GRIP2: variants seen among roughly 807,000 people sequenced by gnomAD.
The protein encoded by GRIP2 is glutamate receptor-interacting protein 2.
A neutral mutation model predicts 108.3 loss-of-function variants in GRIP2; 58 were observed. The observed-to-expected ratio is 0.54, with a 90% CI of 0.43 to 0.67. The LOEUF is 0.67. Among genes scored for constraint, GRIP2 ranks in the 30% least tolerant of loss-of-function variants. GRIP2 has a pLI of 0.00. For missense variants in GRIP2, 1,278 were observed against 1,430.6 expected, an observed-to-expected ratio of 0.89 and a Z score of 1.72; for synonymous variants, 586 against 598.2, an observed-to-expected ratio of 0.98 and a Z score of 0.30.
At chr3:14,530,660 A>G (rs997751483) in intron 1 of GRIP2, among the ~76,000 whole-genome samples, 4 of 152,186 alleles carry the variant, frequency 2.6e-5, no homozygotes, top group African/African-American at 9.6e-5. Context: ...TCATTTTCTA[A>G]TTATTTGTTC....
rs1203073982 is a variant in GRIP2 at position 14,490,526 on chromosome 3, C to T, written c.*3139G>A. ...GGGCAGCAGCCAGACCTGAGGCTGC[C>T]CTCCTGCCACTACCTTCCCAACCTG... is the stretch of plus-strand genomic sequence containing the variant. On this transcript the variant is annotated 3_prime_UTR_variant, in exon 24 of 24. Transcript: ENST00000621039. 1.3e-5 allele frequency: 2 copies of T among 152,418 alleles called. No individual in the cohort carries two copies. The highest frequency in any genetic ancestry group is 4.8e-5 in the African/African-American group (2 of 41,462). The allele number at this position is 152,418 out of a possible 1,614,324, so 9.4% of individuals were successfully genotyped here.
chr3:14,524,241 C>A, intron 4 of GRIP2, 152 bp downstream of exon 4: 1 of 834,298 alleles, frequency 1.2e-6, no homozygotes, highest in South Asian at 1.8e-5. Context: ...GTAGGCACAG[C>A]CCCTAGGCGA....
At chr3:14,589,472 T>A in the GRIP2 span, among the ~76,000 whole-genome samples, 3 of 152,134 alleles carry the variant, frequency 2.0e-5, no homozygotes, top group Admixed American at 2.0e-4. Flanking sequence ...AAGGATGTGT[T>A]TTGAGATTTT....
At chr3:14,517,947 A>G (rs1162432990) in intron 9 of GRIP2, 50 bp from the exon 10 acceptor site, 5 of 1,477,996 alleles carry the variant, frequency 3.4e-6, no homozygotes, top group Non-Finnish European at 2.7e-6. Flanking sequence ...TTAGTGGCTG[A>G]GGGCACTATG....
Position 14,512,096 on chromosome 3 carries a change from C to A in GRIP2, c.1721-617G>T, listed in dbSNP as rs940407280. On this transcript the variant is annotated intron_variant, in intron 14 of 23. Coordinates refer to ENST00000621039, the MANE Select transcript of GRIP2 (RefSeq NM_001080423.4). This position sits in a 1 kb window ranked among gnomAD's most constrained non-coding sequence, Gnocchi z 5.1. ...CTTGTCAAGTGACATTTGGGCAAAGCCATGAAGGAGGTAGGGAAGAGGCCA... is the reference window on the plus strand; with the variant it reads ...CTTGTCAAGTGACATTTGGGCAAAGACATGAAGGAGGTAGGGAAGAGGCCA... 1.4e-4 allele frequency among the ~76,000 whole-genome samples: 21 copies of A among 152,118 alleles called. No individual in the cohort carries two copies. Among genetic ancestry groups the A allele is most frequent in the African/African-American group, 5.1e-4 (21 of 41,408 alleles).
At chr3:14,496,962 T>TA (rs1165305946) in intron 21 of GRIP2, among the ~76,000 whole-genome samples, 1 of 38,660 alleles carries the variant, frequency 2.6e-5, no homozygotes, top group East Asian at 1.4e-3. Context: ...GTCAAGACTC[T>TA]TTTTTTTTTT....
At chr3:14,573,094 C>T in the GRIP2 span, 6 of 1,408,098 alleles carry the variant, frequency 4.3e-6, no homozygotes, top group Non-Finnish European at 6.0e-6. Flanking sequence ...CTGATGAACC[C>T]CGAAATGTGG....
At chr3:14,542,372 C>T (rs546112821), upstream of GRIP2, among the ~76,000 whole-genome samples, 4 of 152,208 alleles carry the variant, frequency 2.6e-5, no homozygotes, top group Admixed American at 2.6e-4. Flanking sequence ...CCAGGCTGGT[C>T]TCAAACTCCT....
At chr3:14,555,921 C>T (rs1575038468) in exon 1 of GRIP2, 4 of 399,772 alleles carry the variant, frequency 1.0e-5, no homozygotes, top group South Asian at 1.3e-4. Flanking sequence ...CGCCTCACCA[C>T]GCCCAGCCGC....
chr3:14,554,453 G>T (rs886867858), intron 1 of GRIP2, among the ~76,000 whole-genome samples: 4 of 152,152 alleles, frequency 2.6e-5, no homozygotes, highest in Non-Finnish European at 4.4e-5. Context: ...CTCAATGGGG[G>T]AGGGAGTGTC....
chr3:14,495,087 G>A (rs1693549678), intron 22 of GRIP2, 98 bp from the exon 23 acceptor site: 2 of 1,473,274 alleles, frequency 1.4e-6, no homozygotes. Context: ...CAGCGCCTCT[G>A]GCCAGCCACA....
At chr3:14,592,287 TG>T in the GRIP2 span, among the ~76,000 whole-genome samples, 1 of 152,184 alleles carries the variant, frequency 6.6e-6, no homozygotes, top group African/African-American at 2.4e-5. Flanking sequence ...TGATGATCCA[TG>T]GGGCCTTCCA....
chr3:14,579,478 G>A, the GRIP2 span, among the ~76,000 whole-genome samples: 920 of 152,278 alleles, frequency 6.0e-3, 4 homozygotes, highest in South Asian at 0.02. Context: ...GTGTGTGATC[G>A]GATGGGAGGA....
Position 14,520,382 on chromosome 3 carries a change from T to G in GRIP2, c.860+8A>C, listed in dbSNP as rs1559342980. 2 of 1,610,870 alleles carry G rather than the reference T, an allele frequency of 1.2e-6. No individual in the cohort carries two copies. Among genetic ancestry groups the G allele is most frequent in the Middle Eastern group, 1.7e-4 (1 of 6,058 alleles). On this transcript the variant is annotated splice_region_variant and intron_variant, in intron 8 of 23. Coordinates refer to ENST00000621039, the MANE Select transcript of GRIP2 (RefSeq NM_001080423.4). The stretch of plus-strand genomic sequence containing the variant: ...CTCCATGGTGGCAGCACCCAGGGTG[T>G]GCCTTACCTGTCCACCACGCTGGCT...
intron 5 of GRIP2, chr3:14,523,312 G>C: frequency 1.7e-6 from 1 of 577,502 alleles, no homozygotes; most frequent in Non-Finnish European, 3.1e-6. Context: ...TCCCTTCTGT[G>C]ACCTCACCTT....
chr3:14,509,692 G>GC, intron 17 of GRIP2, 128 bp downstream of exon 17: 1 of 971,574 alleles, frequency 1.0e-6, no homozygotes, highest in Non-Finnish European at 1.4e-6. Flanking sequence ...GAAGTGACTG[G>GC]CCCAATGTCA....
rs756222455 is a variant in GRIP2 at position 14,496,412 on chromosome 3, C to A, written c.2823+5G>T. 1.9e-5 allele frequency: 30 copies of A among 1,607,328 alleles called. No individual in the cohort carries two copies. The Admixed American group carries it at 3.9e-4, about 21-fold the overall frequency. On this transcript the variant is annotated splice_donor_5th_base_variant and intron_variant, in intron 22 of 23. Transcript: ENST00000621039. Reference sequence around the variant, plus strand: ...AGGTCTCCTGTGCTCACCCCCTGTGCCTACCTTGTGCATCTCCAAGGGTGT... The same window carrying A: ...AGGTCTCCTGTGCTCACCCCCTGTGACTACCTTGTGCATCTCCAAGGGTGT...
At chr3:14,514,654 G>C (rs1694199216) in intron 11 of GRIP2, among the ~76,000 whole-genome samples, 176 bp from the exon 12 acceptor site, 1 of 152,200 alleles carries the variant, frequency 6.6e-6, no homozygotes, top group Non-Finnish European at 1.5e-5. Flanking sequence ...TTCCTCATCT[G>C]AACAATGGGA....
chr3:14,538,586 G>A (rs1694888869), intron 1 of GRIP2, among the ~76,000 whole-genome samples: 1 of 152,182 alleles, frequency 6.6e-6, no homozygotes, highest in South Asian at 2.1e-4. Context: ...TACACTTTTT[G>A]GAAGAAGAGC....
Sources: allele counts gnomAD v4.1 joint callset (sites outside exome capture counted in the v4.1 genomes callset), GRCh38; gene constraint gnomAD v4.1.1; non-coding constraint Gnocchi (gnomAD v3.1); transcripts MANE v1.5; gene names NCBI Gene and HGNC (gene_info 2026-07-23, HGNC 2026-07-21).